Variants in ADGRL3 observed in about 807,000 individuals in gnomAD.
ADGRL3 encodes the protein adhesion G protein-coupled receptor L3.
Under a neutral mutation model 153.5 loss-of-function variants are expected in ADGRL3, and 62 were observed. The ratio of observed to expected loss-of-function variants is 0.40; its 90% CI spans 0.33 to 0.50. The LOEUF (loss-of-function observed/expected upper bound fraction) is 0.50. Among genes scored for constraint, ADGRL3 ranks in the 20% least tolerant of loss-of-function variants. The probability of loss-of-function intolerance (pLI) is 0.47; values close to 1 mark genes in which losing one functional copy is unlikely to be tolerated. For missense variants in ADGRL3, 1,641 were observed against 1,859.4 expected, an observed-to-expected ratio of 0.88 and a Z score of 2.16; for synonymous variants, 710 against 672.5, an observed-to-expected ratio of 1.06 and a Z score of -0.86.
At chr4:61,439,318 G>A (rs964995053) in intron 2 of ADGRL3, among the ~76,000 whole-genome samples, 2 of 152,076 alleles carry the variant, frequency 1.3e-5, no homozygotes, top group African/African-American at 4.8e-5. Flanking sequence ...GACAATATTT[G>A]AGAAGAGCAA....
intron 1 of ADGRL3, among the ~76,000 whole-genome samples, chr4:61,382,872 A>G (rs532337458): frequency 1.8e-4 from 27 of 151,932 alleles, no homozygotes; most frequent in Admixed American, 7.2e-4. Flanking sequence ...AGGAAAAGAA[A>G]TCTGTAGCTA....
At chr4:61,641,128 A>AT (rs906380190) in intron 5 of ADGRL3, among the ~76,000 whole-genome samples, 4 of 152,054 alleles carry the variant, frequency 2.6e-5, no homozygotes, top group African/African-American at 7.2e-5. Context: ...TATTTCACCT[A>AT]TTTTTTTAAT....
chr4:61,927,910 T>A (rs1414606467), intron 13 of ADGRL3, among the ~76,000 whole-genome samples: 2 of 151,996 alleles, frequency 1.3e-5, no homozygotes, highest in Admixed American at 1.3e-4. Flanking sequence ...TATCTATCTA[T>A]CTATCTACAG....
At chr4:61,655,363 A>G (rs773482535) in intron 5 of ADGRL3, among the ~76,000 whole-genome samples, 21 of 152,202 alleles carry the variant, frequency 1.4e-4, no homozygotes, top group Non-Finnish European at 2.4e-4. Flanking sequence ...AAAATTATAC[A>G]TTCAAAAAGC....
intron 8 of ADGRL3, among the ~76,000 whole-genome samples, chr4:61,743,116 C>T (rs911570923): frequency 4.6e-5 from 7 of 151,002 alleles, no homozygotes; most frequent in East Asian, 2.0e-4. Flanking sequence ...GTTAGAAGAT[C>T]TAGACCATCC....
intron 1 of ADGRL3, among the ~76,000 whole-genome samples, chr4:61,362,895 T>C (rs1354650191): frequency 1.3e-5 from 2 of 152,212 alleles, no homozygotes; most frequent in Non-Finnish European, 2.9e-5. Context: ...TCTGCTGTAA[T>C]GTATCTCCAT....
intron 1 of ADGRL3, among the ~76,000 whole-genome samples, chr4:61,291,601 TATACACACAC>T (rs1446537957): frequency 0.13 from 1,459 of 11,494 alleles, 15 homozygotes; most frequent in South Asian, 0.24. Flanking sequence ...TATATATATA[TATACACACAC>T]ATATATATAT....
Position 61,990,581 on chromosome 4 carries a change from C to G in ADGRL3, c.3237-5710C>G, listed in dbSNP as rs1005264533. 8.6e-5 allele frequency among the ~76,000 whole-genome samples: 13 copies of G among 151,898 alleles called. 1 individual carries two copies. Among genetic ancestry groups the G allele is most frequent in the African/African-American group, 3.1e-4 (13 of 41,372 alleles). On this transcript the variant is annotated intron_variant, in intron 19 of 26. Transcript: ENST00000683033. Reference sequence around the variant, plus strand: ...ATATATAAATCATATTGCAGTGAAGCTGTTTAATAATACTAAAAGTTTCAC... The same window carrying G: ...ATATATAAATCATATTGCAGTGAAGGTGTTTAATAATACTAAAAGTTTCAC...
At chr4:61,974,055 C>A (rs766666185) in intron 17 of ADGRL3, among the ~76,000 whole-genome samples, 41 of 152,258 alleles carry the variant, frequency 2.7e-4, no homozygotes, top group African/African-American at 9.6e-4. Flanking sequence ...GCAACCTCCA[C>A]CTCCCGGGCT....
At chr4:61,383,324 G>A (rs1443354230) in intron 2 of ADGRL3, 135 bp downstream of exon 2, 1 of 151,238 alleles carries the variant, frequency 6.6e-6, no homozygotes, top group Admixed American at 6.6e-5. Flanking sequence ...TACTAAAATG[G>A]AATTTTACAT....
At chr4:61,215,922 C>CTTGTA (rs1742579105) in intron 1 of ADGRL3, among the ~76,000 whole-genome samples, 1 of 152,030 alleles carries the variant, frequency 6.6e-6, no homozygotes, top group African/African-American at 2.4e-5. Context: ...ACTCTCTTAA[C>CTTGTA]TTGTATCGAA....
chr4:61,251,867 C>T (rs112769493), intron 1 of ADGRL3, among the ~76,000 whole-genome samples: 13 of 135,320 alleles, frequency 9.6e-5, no homozygotes, highest in East Asian at 2.2e-4. Context: ...TCCTAAGATT[C>T]TTTTTTTTTT....
intron 8 of ADGRL3, among the ~76,000 whole-genome samples, chr4:61,792,310 C>G (rs887657875): frequency 6.6e-6 from 1 of 152,114 alleles, no homozygotes; most frequent in Non-Finnish European, 1.5e-5. Flanking sequence ...CCACCAATCT[C>G]TTTGCTAAAA....
chr4:62,055,454 C>T (rs1012130369), intron 25 of ADGRL3, among the ~76,000 whole-genome samples: 4 of 151,630 alleles, frequency 2.6e-5, no homozygotes, highest in South Asian at 4.1e-4. Flanking sequence ...AACTTGTTGG[C>T]TATTAAAAGT....
intron 8 of ADGRL3, among the ~76,000 whole-genome samples, chr4:61,756,249 G>A (rs1390252975): frequency 2.6e-5 from 4 of 152,326 alleles, no homozygotes; most frequent in East Asian, 1.9e-4. Context: ...TCCTACCCAT[G>A]AGCATGGAAT....
intron 5 of ADGRL3, among the ~76,000 whole-genome samples, chr4:61,634,446 TTGTAGTGTTTCTCTGAAAATTAAA>T (rs1410837516): frequency 6.6e-6 from 1 of 152,190 alleles, no homozygotes; most frequent in African/African-American, 2.4e-5. Flanking sequence ...AGTGATTTTC[TTGTAGTGTTTCTCTGAAAATTAAA>T]TGGCATAATA....
chr4:61,444,128 A>G (rs1384645750), intron 2 of ADGRL3, among the ~76,000 whole-genome samples: 1 of 152,188 alleles, frequency 6.6e-6, no homozygotes, highest in East Asian at 1.9e-4. Context: ...AAATATCTTA[A>G]CATTTAGAGA....
intron 3 of ADGRL3, among the ~76,000 whole-genome samples, chr4:61,509,162 T>C (rs1484081831): frequency 7.0e-6 from 1 of 142,536 alleles, no homozygotes; most frequent in Non-Finnish European, 1.5e-5. Context: ...AGTTTCTCAT[T>C]TGTTGCCCAG....
intron 1 of ADGRL3, among the ~76,000 whole-genome samples, chr4:61,282,189 A>G (rs897533495): frequency 2.0e-5 from 3 of 152,106 alleles, no homozygotes; most frequent in African/African-American, 7.2e-5. Flanking sequence ...TTCAAGTTCT[A>G]AGGAGGCTTC....
Sources: allele counts gnomAD v4.1 joint callset (sites outside exome capture counted in the v4.1 genomes callset), GRCh38; gene constraint gnomAD v4.1.1; transcripts MANE v1.5; gene names NCBI Gene and HGNC (gene_info 2026-07-23, HGNC 2026-07-21).